The following RBFOX1 variants were observed in gnomAD, a reference collection of about 807,000 sequenced individuals.
RBFOX1 encodes the protein RNA binding fox-1 homolog 1.
RBFOX1 carries 8 observed loss-of-function variants against 57.7 expected under a neutral mutation model. The observed-to-expected ratio is 0.14, with a 90% CI of 0.08 to 0.25. The LOEUF (loss-of-function observed/expected upper bound fraction) is 0.25. RBFOX1 is among the 10% of genes least tolerant of loss of function. RBFOX1 has a pLI of 1.00. For missense variants in RBFOX1, 611 were observed against 548.5 expected, an observed-to-expected ratio of 1.11 and a Z score of -1.14; for synonymous variants, 326 against 222.4, an observed-to-expected ratio of 1.47 and a Z score of -4.15.
intron 4 of RBFOX1, among the ~76,000 whole-genome samples, chr16:7,095,384 T>A (rs763899560): frequency 1.3e-5 from 2 of 152,166 alleles, no homozygotes; most frequent in Non-Finnish European, 2.9e-5. Context: ...GTAATCGACC[T>A]GCCTCAGCCT....
At chr16:5,290,717 A>C (rs1490839398) in intron 1 of RBFOX1, among the ~76,000 whole-genome samples, 1 of 141,440 alleles carries the variant, frequency 7.1e-6, no homozygotes, top group Non-Finnish European at 1.5e-5. Context: ...TTTTTTTTTG[A>C]GACGGAGTTT....
At chr16:7,479,596 G>A (rs1464523038) in intron 4 of RBFOX1, among the ~76,000 whole-genome samples, 1 of 152,152 alleles carries the variant, frequency 6.6e-6, no homozygotes. Flanking sequence ...CATGAAACAG[G>A]TACTGTGCAT....
chr16:5,376,447 G>T (rs1447456439), intron 1 of RBFOX1, among the ~76,000 whole-genome samples: 1 of 152,136 alleles, frequency 6.6e-6, no homozygotes, highest in African/African-American at 2.4e-5. Flanking sequence ...AGCGGTGGGT[G>T]GGGACCCTGC....
intron 2 of RBFOX1, among the ~76,000 whole-genome samples, chr16:6,389,382 A>G (rs911523671): frequency 2.0e-5 from 3 of 151,944 alleles, no homozygotes; most frequent in African/African-American, 7.3e-5. Context: ...TTCTTTCAAC[A>G]CTCTTCGATC....
chr16:5,882,960 C>T (rs180999810), intron 4 of RBFOX1, among the ~76,000 whole-genome samples: 6 of 152,162 alleles, frequency 3.9e-5, no homozygotes, highest in South Asian at 4.2e-4. Flanking sequence ...TTTAAAGGAA[C>T]GTTGTTGTTG....
intron 2 of RBFOX1, among the ~76,000 whole-genome samples, chr16:6,648,303 C>G (rs1367788763): frequency 6.6e-6 from 1 of 152,006 alleles, no homozygotes; most frequent in Non-Finnish European, 1.5e-5. Context: ...TCAAACGATC[C>G]TCTGGACTCG....
In RBFOX1 at chr16:6,142,777, C is replaced by G. The variant is rs117370904; in HGVS notation, c.-127+122785C>G. ...AATTGTTCCATATTTTCCACTTCTT[C>G]TCACTTACTGTTAGTAGCTGAGATC... On this transcript the variant is annotated intron_variant, in intron 1 of 15. Coordinates refer to ENST00000550418, the MANE Select transcript of RBFOX1 (RefSeq NM_018723.4). Among the ~76,000 whole-genome samples, 123 of 152,316 alleles carry G rather than the reference C, an allele frequency of 8.1e-4. 1 individual carries two copies. In the East Asian group the frequency reaches 0.022, roughly 27 times the overall value.
At chr16:7,626,178 T>G (rs971791727) in intron 10 of RBFOX1, among the ~76,000 whole-genome samples, 24 of 152,220 alleles carry the variant, frequency 1.6e-4, no homozygotes, top group Non-Finnish European at 4.4e-5. Context: ...TGTTCCGGTT[T>G]GAGTCCAGTT....
At chr16:7,511,673 G>A (rs988880358) in intron 4 of RBFOX1, among the ~76,000 whole-genome samples, 5 of 151,504 alleles carry the variant, frequency 3.3e-5, no homozygotes, top group Non-Finnish European at 7.4e-5. Context: ...TAATCCTTTT[G>A]CTCTTGGTAA....
chr16:6,978,267 G>C (rs1418419924), intron 3 of RBFOX1, among the ~76,000 whole-genome samples: 1 of 152,186 alleles, frequency 6.6e-6, no homozygotes, highest in Non-Finnish European at 1.5e-5. Context: ...CTTTGTACTT[G>C]ATAGATGTTC....
chr16:5,599,385 A>C (rs148919553), exon 3 of RBFOX1: 1 of 593,120 alleles, frequency 1.7e-6, no homozygotes. Context: ...GGGGTCCTGC[A>C]TCATGGCATT....
At chr16:5,818,616 C>G (rs936117712) in intron 3 of RBFOX1, among the ~76,000 whole-genome samples, 1 of 152,138 alleles carries the variant, frequency 6.6e-6, no homozygotes, top group East Asian at 1.9e-4. Flanking sequence ...TTAGTTTTGA[C>G]GAGAAATTAG....
chr16:7,052,018 G>A, intron 3 of RBFOX1, 39 bp from the exon 4 acceptor site: 1 of 1,579,294 alleles, frequency 6.3e-7, no homozygotes, highest in South Asian at 1.1e-5. Flanking sequence ...CTGATCCGGA[G>A]CCTTCTGACT....
At chr16:5,454,894 CT>C (rs2068553815) in intron 1 of RBFOX1, among the ~76,000 whole-genome samples, 1 of 84,928 alleles carries the variant, frequency 1.2e-5, no homozygotes, top group East Asian at 3.6e-4. Flanking sequence ...TTCTTTCTTT[CT>C]TTCTTTCTTT....
intron 4 of RBFOX1, among the ~76,000 whole-genome samples, chr16:7,388,278 C>A (rs1335394105): frequency 1.3e-5 from 2 of 152,066 alleles, no homozygotes; most frequent in Non-Finnish European, 2.9e-5. Flanking sequence ...CGGGAAAATC[C>A]TCAGAAGAAA....
intron 1 of RBFOX1, among the ~76,000 whole-genome samples, chr16:6,315,572 GAT>G (rs2081009154): frequency 1.4e-5 from 1 of 72,108 alleles, no homozygotes; most frequent in Non-Finnish European, 3.7e-5. Flanking sequence ...TGGATGGATG[GAT>G]GGATAGATGG....
intron 1 of RBFOX1, among the ~76,000 whole-genome samples, chr16:6,077,707 T>TATTC (rs2095928772): frequency 4.0e-5 from 6 of 151,708 alleles, no homozygotes; most frequent in Admixed American, 3.3e-4. Flanking sequence ...TTTATTTATT[T>TATTC]ATTCATTTAT....
chr16:6,084,409 A>G (rs1168454302), intron 1 of RBFOX1, among the ~76,000 whole-genome samples: 2 of 151,888 alleles, frequency 1.3e-5, no homozygotes, highest in South Asian at 2.1e-4. Context: ...ACGTCCAGCT[A>G]TGTTTTGTAT....
At position 7,012,153 on chromosome 16, in the gene RBFOX1, A is replaced by G. The variant is rs150268188; in HGVS notation, c.-15-39904A>G. 2.2e-4 allele frequency among the ~76,000 whole-genome samples: 34 copies of G among 152,346 alleles called. 1 individual carries two copies. The East Asian group carries it at 5.4e-3, about 24-fold the overall frequency. ...TCTAGAATAATCATAGGATGAGACT[A>G]TGATCACTATCATTTATTGACCATC... On this transcript the variant is annotated intron_variant, in intron 3 of 15. Transcript: ENST00000550418.
Sources: allele counts gnomAD v4.1 joint callset (sites outside exome capture counted in the v4.1 genomes callset), GRCh38; gene constraint gnomAD v4.1.1; transcripts MANE v1.5; gene names NCBI Gene and HGNC (gene_info 2026-07-23, HGNC 2026-07-21).